Variants in COL2A1 observed in about 807,000 individuals in gnomAD.
The protein encoded by COL2A1 is collagen alpha-1(II) chain.
COL2A1 carries 28 observed loss-of-function variants against 204.5 expected under a neutral mutation model. That is an observed-to-expected ratio of 0.14 (90% confidence interval 0.10 to 0.19). The LOEUF (loss-of-function observed/expected upper bound fraction) is 0.19, where lower values mean the gene tolerates loss of function less well. Among genes scored for constraint, COL2A1 ranks in the 10% least tolerant of loss-of-function variants. COL2A1 has a pLI of 1.00. For missense variants in COL2A1, 1,388 were observed against 2,027.5 expected, an observed-to-expected ratio of 0.68 and a Z score of 6.06; for synonymous variants, 708 against 718.7, an observed-to-expected ratio of 0.99 and a Z score of 0.24.
Position 47,976,347 on chromosome 12 carries a change from A to G in COL2A1, c.3489+167T>C, listed in dbSNP as rs1399303295. Among the ~76,000 whole-genome samples the G allele has an allele frequency of 6.6e-6, 1 of 152,228 alleles. No homozygotes were observed. Among genetic ancestry groups the G allele is most frequent in the Admixed American group, 6.5e-5 (1 of 15,282 alleles). ...TTTGTCTTACAGCCATTGTGGCCTC[A>G]GGCGCTTTTCTGGCCATAGGCACAT... On this transcript the variant is annotated intron_variant, in intron 49 of 53. Coordinates refer to ENST00000380518, the MANE Select transcript of COL2A1 (RefSeq NM_001844.5). This position sits in a 1 kb window ranked among gnomAD's most constrained non-coding sequence, Gnocchi z 4.3.
chr12:47,974,616 G>GA, intron 52 of COL2A1, 59 bp downstream of exon 52: 1 of 1,579,900 alleles, frequency 6.3e-7, no homozygotes, highest in Non-Finnish European at 8.7e-7. Flanking sequence ...CAGGGAGAAA[G>GA]AAAAGAAAGA....
rs769786847 is a variant in COL2A1, at chr12:47,996,671, C to T, written c.532-46G>A. Reference sequence around the variant, plus strand: ...GTTAGGAGGTTGAAAGGCACTAGGTCTTCCCTACTTGGCTAGGTAAGCTCT... The same window carrying T: ...GTTAGGAGGTTGAAAGGCACTAGGTTTTCCCTACTTGGCTAGGTAAGCTCT... On this transcript the variant is annotated intron_variant, in intron 7 of 53. Coordinates refer to ENST00000380518, the MANE Select transcript of COL2A1 (RefSeq NM_001844.5). 2.0e-6 allele frequency: 3 copies of T among 1,515,120 alleles called. No individual in the cohort carries two copies. In the South Asian group the frequency reaches 3.4e-5, roughly 17 times the overall value. 93.9% of individuals were successfully genotyped at this position (1,515,120 alleles called of 1,614,324 possible).
At chr12:47,973,654 GC>G in intron 53 of COL2A1, 101 bp from the exon 54 acceptor site, 2 of 1,436,180 alleles carry the variant, frequency 1.4e-6, no homozygotes, top group Non-Finnish European at 1.9e-6. Context: ...GAGCATCAGA[GC>G]CCACAAGGTT....
chr12:47,983,541 G>A, intron 30 of COL2A1, 103 bp from the exon 31 acceptor site: 2 of 1,452,638 alleles, frequency 1.4e-6, no homozygotes, highest in Non-Finnish European at 1.9e-6. Context: ...AGCAGCAGCA[G>A]TGACAGCCAG....
At chr12:47,985,122 A>G in intron 26 of COL2A1, 29 bp from the exon 27 acceptor site, 1 of 1,569,658 alleles carries the variant, frequency 6.4e-7, no homozygotes, top group South Asian at 1.1e-5. Context: ...TTCTCAGAAC[A>G]TAGACACTCT....
chr12:48,001,538 G>A (rs1940232842), intron 1 of COL2A1, among the ~76,000 whole-genome samples: 1 of 152,148 alleles, frequency 6.6e-6, no homozygotes, highest in African/African-American at 2.4e-5. Context: ...CCTCGCCCAT[G>A]AGGACCCAGG....
upstream of COL2A1, among the ~76,000 whole-genome samples, chr12:48,004,753 G>T (rs1159586259): frequency 1.3e-5 from 2 of 152,158 alleles, no homozygotes; most frequent in East Asian, 3.9e-4. Flanking sequence ...GGGCTGCGGC[G>T]CTGCCCCCCT....
chr12:48,000,174 G>C (rs1565698458), intron 1 of COL2A1, 49 bp from the exon 2 acceptor site: 2 of 1,330,042 alleles, frequency 1.5e-6, no homozygotes, highest in Non-Finnish European at 1.1e-6. Flanking sequence ...GGAAGGAGGG[G>C]GTGGGGAGCC....
At chr12:47,981,492 G>A in intron 36 of COL2A1, 96 bp from the exon 37 acceptor site, 1 of 1,114,708 alleles carries the variant, frequency 9.0e-7, no homozygotes, top group Non-Finnish European at 1.3e-6. Flanking sequence ...CTCGTGGGAA[G>A]GGGGCTCCAG....
At position 47,982,862 on chromosome 12, in the gene COL2A1, T is replaced by C; in HGVS notation, c.2179A>G (p.Thr727Ala). The change falls in exon 33 of 54, where the codon ACT becomes GCT. Residue 727 changes from threonine to alanine, a missense_variant. Around this residue, in one of 3 missense-constraint regions of COL2A1, gnomAD observed 884 missense variants for 1,415.8 expected, o/e 0.62. Transcript: ENST00000380518. ...GPRGLPGTPG[T>A]DGPKGASGPA... ...GCCTCACTTACTTTGGGACCATCAG[T>C]GCCAGGAGTGCCGGGGAGGCCACGG... 2 of 1,611,744 alleles carry C rather than the reference T, an allele frequency of 1.2e-6. No individual in the cohort carries two copies. The highest frequency in any genetic ancestry group is 1.7e-6 in the Non-Finnish European group (2 of 1,179,812).
chr12:47,989,655 G>C (rs1247396480), intron 17 of COL2A1, 106 bp downstream of exon 17: 1 of 928,386 alleles, frequency 1.1e-6, no homozygotes, highest in Non-Finnish European at 1.8e-6. Flanking sequence ...GTAGACATCA[G>C]AGTGCTGCTG....
In COL2A1 at chr12:47,987,391, G is replaced by A; in HGVS notation, c.1222-78C>T. On this transcript the variant is annotated intron_variant, in intron 19 of 53. Coordinates refer to ENST00000380518, the MANE Select transcript of COL2A1 (RefSeq NM_001844.5). This position sits in a 1 kb window ranked among gnomAD's most constrained non-coding sequence, Gnocchi z 4.1. ...TCCAGCCCTCCAGGATCCAGATCCAGGGACCTGGCATAGGTGCTGTCCATT... is the reference window on the plus strand; with the variant it reads ...TCCAGCCCTCCAGGATCCAGATCCAAGGACCTGGCATAGGTGCTGTCCATT... 1 of 1,494,126 alleles carries A rather than the reference G, an allele frequency of 6.7e-7. No homozygotes were observed. The allele number at this position is 1,494,126 out of a possible 1,614,324, so 92.6% of individuals were successfully genotyped here.
chr12:48,004,613 C>A, upstream of COL2A1: 1 of 303,914 alleles, frequency 3.3e-6, no homozygotes. Context: ...CCGCCTGGGC[C>A]CTGCCAGTGC....
intron 52 of COL2A1, 110 bp from the exon 53 acceptor site, chr12:47,974,441 G>A: frequency 6.9e-7 from 1 of 1,459,030 alleles, no homozygotes; most frequent in African/African-American, 1.4e-5. Context: ...AGGGTACTGG[G>A]GCAGCAGGGA....
chr12:47,978,103 C>A lies in COL2A1; in HGVS notation c.3018G>T (p.Lys1006Asn). ...CTCCAGATGCTCCAGGAGCACCCTG[C>A]TTGCCGGGCTCACCCTGGAGGGACA... The part of the protein sequence containing the change: ...GLPGPSGEPG[K>N]QGAPGASGDR... The change falls in exon 44 of 54, where the codon AAG becomes AAT. Residue 1006 changes from lysine to asparagine, a missense_variant. Coordinates refer to ENST00000380518, the MANE Select transcript of COL2A1 (RefSeq NM_001844.5). The surrounding 1 kb of genome is among the most constrained non-coding windows in gnomAD (Gnocchi z 5.5). 1.2e-6 allele frequency: 2 copies of A among 1,613,408 alleles called. No homozygotes were observed. Among genetic ancestry groups the A allele is most frequent in the Non-Finnish European group, 1.7e-6 (2 of 1,179,840 alleles).
Position 47,978,488 on chromosome 12 carries a change from C to T in COL2A1, c.2896-90G>A. ...AGCTCTGTCTGTGCAGCCCCGCTCC[C>T]TGGCATCCCCACGGCCCCTGCTCCC... On this transcript the variant is annotated intron_variant, in intron 42 of 53. Transcript: ENST00000380518. This position sits in a 1 kb window ranked among gnomAD's most constrained non-coding sequence, Gnocchi z 5.5. 6.3e-7 allele frequency: 1 copy of T among 1,576,004 alleles called. No homozygotes were observed. Among genetic ancestry groups the T allele is most frequent in the Non-Finnish European group, 8.7e-7 (1 of 1,155,864 alleles).
rs752409169 is a variant in COL2A1 at position 47,987,120 on chromosome 12, G to A, written c.1323C>T (p.Gly441=). ...PGFPGPRGPP[G]PQGATGPLGP... The stretch of plus-strand genomic sequence containing the variant: ...CCAGAGGACCAGTTGCACCTTGAGG[G>A]CCAGGAGGGCCCCGTGGCCCAGGGA... The change falls in exon 21 of 54, where the codon GGC becomes GGT. Residue 441 remains glycine, a synonymous_variant. Coordinates refer to ENST00000380518, the MANE Select transcript of COL2A1 (RefSeq NM_001844.5). The surrounding 1 kb of genome is among the most constrained non-coding windows in gnomAD (Gnocchi z 4.1). 6.2e-7 allele frequency: 1 copy of A among 1,614,148 alleles called. No individual in the cohort carries two copies. Among genetic ancestry groups the A allele is most frequent in the South Asian group, 1.1e-5 (1 of 91,084 alleles).
intron 52 of COL2A1, among the ~76,000 whole-genome samples, 165 bp downstream of exon 52, chr12:47,974,510 C>T (rs929273583): frequency 1.3e-5 from 2 of 152,188 alleles, no homozygotes; most frequent in African/African-American, 4.8e-5. Context: ...TCTTTTCCCA[C>T]CTCCACGTGG....
intron 10 of COL2A1, 108 bp downstream of exon 10, chr12:47,995,602 A>G: frequency 1.7e-6 from 2 of 1,165,334 alleles, no homozygotes; most frequent in Non-Finnish European, 2.6e-6. Flanking sequence ...GGGGCCACCG[A>G]CTGTGGGAAA....
Sources: allele counts gnomAD v4.1 joint callset (sites outside exome capture counted in the v4.1 genomes callset), GRCh38; gene constraint gnomAD v4.1.1; regional missense constraint gnomAD v4.1.1; non-coding constraint Gnocchi (gnomAD v3.1); transcripts MANE v1.5; gene names NCBI Gene and HGNC (gene_info 2026-07-23, HGNC 2026-07-21).